The following ZNF431 variants were observed in gnomAD, a reference collection of about 807,000 sequenced individuals.
The protein encoded by ZNF431 is zinc finger protein 431.
A neutral mutation model predicts 57.0 loss-of-function variants in ZNF431; 34 were observed. The observed-to-expected ratio is 0.60, with a 90% CI of 0.45 to 0.79. ZNF431 has a LOEUF of 0.79. ZNF431 is among the 30% of genes least tolerant of loss of function. The pLI is 0.00. For synonymous variants in ZNF431, 207 were observed against 220.3 expected (o/e 0.94, Z 0.54); for missense variants, 607 against 667.1 (o/e 0.91, Z 0.99).
chr19:21,172,914 C>T (rs1429306211), intron 4 of ZNF431, among the ~76,000 whole-genome samples: 1 of 152,160 alleles, frequency 6.6e-6, no homozygotes, highest in African/African-American at 2.4e-5. Context: ...TGACAAGATG[C>T]CATTTTACCC....
At chr19:21,144,759 A>C (rs1277817626) in intron 2 of ZNF431, among the ~76,000 whole-genome samples, 3 of 152,194 alleles carry the variant, frequency 2.0e-5, no homozygotes. Flanking sequence ...TACAGAATGA[A>C]TACATTTCCA....
chr19:21,142,270 T>C, intron 1 of ZNF431, 84 bp downstream of exon 1: 1 of 1,580,392 alleles, frequency 6.3e-7, no homozygotes, highest in Non-Finnish European at 8.7e-7. Flanking sequence ...GACTCAGGCC[T>C]CCCCGCAGTC....
In ZNF431 at chr19:21,183,804, A is replaced by G. The variant is rs767151941; in HGVS notation, c.1501A>G (p.Lys501Glu). ...TTTTAACCGATCCTCAAATCTTACT[A>G]AACATAAGATAATTCATACAGGAGA... ...KAFNRSSNLT[K>E]HKIIHTGEKS... The change falls in exon 5 of 5, where the codon AAA becomes GAA. Residue 501 changes from lysine to glutamate, a missense_variant. Coordinates refer to ENST00000311048, the MANE Select transcript of ZNF431 (RefSeq NM_133473.4). The G allele has an allele frequency of 6.2e-7, 1 of 1,613,988 alleles. No individual in the cohort carries two copies. The highest frequency in any genetic ancestry group is 8.5e-7 in the Non-Finnish European group (1 of 1,179,922).
chr19:21,143,220 CAA>C (rs1969987670), intron 1 of ZNF431, among the ~76,000 whole-genome samples: 1 of 151,966 alleles, frequency 6.6e-6, no homozygotes, highest in Non-Finnish European at 1.5e-5. Context: ...TGACGCTTTT[CAA>C]AAAGTTTTTT....
At chr19:21,165,783 A>C (rs1448888308) in intron 2 of ZNF431, among the ~76,000 whole-genome samples, 2 of 152,118 alleles carry the variant, frequency 1.3e-5, no homozygotes, top group Non-Finnish European at 2.9e-5. Flanking sequence ...ACAAGCCAGA[A>C]ACATTGGGAA....
intron 4 of ZNF431, among the ~76,000 whole-genome samples, chr19:21,176,811 C>CTCA (rs1971066369): frequency 6.6e-6 from 1 of 152,106 alleles, no homozygotes; most frequent in African/African-American, 2.4e-5. Flanking sequence ...AATTCTCTGC[C>CTCA]TCAGCTTCCA....
rs981669826 is a variant in ZNF431 at position 21,195,072 on chromosome 19, G to A, written c.*11038G>A. On this transcript the variant is annotated 3_prime_UTR_variant, in exon 5 of 5. Coordinates refer to ENST00000311048, the MANE Select transcript of ZNF431 (RefSeq NM_133473.4). ...AATAACAACATTTGCAGGCTCATGA[G>A]AGCTGCCTGACAAAAAGCGTGTAAA... 1.3e-5 allele frequency: 2 copies of A among 152,204 alleles called. No homozygotes were observed. Among genetic ancestry groups the A allele is most frequent in the African/African-American group, 4.8e-5 (2 of 41,462 alleles). 9.4% of individuals were successfully genotyped at this position (152,204 alleles called of 1,614,324 possible). A position where few individuals can be genotyped will look rare whatever the true frequency, so the allele number is the denominator to read the frequency against.
chr19:21,189,877 G>T lies in ZNF431; in HGVS notation c.*5843G>T. The T allele has an allele frequency of 2.5e-6, 1 of 397,932 alleles. No homozygotes were observed. The highest frequency in any genetic ancestry group is 1.3e-4 in the South Asian group (1 of 7,458). 24.7% of individuals were successfully genotyped at this position (397,932 alleles called of 1,614,324 possible). A position where few individuals can be genotyped will look rare whatever the true frequency, so the allele number is the denominator to read the frequency against. ...TTTTTTTTTTAAGGCCAGGAGTGGT[G>T]GCTCACACCTGTAATCCCAGCTCTG... On this transcript the variant is annotated 3_prime_UTR_variant, in exon 5 of 5. Transcript: ENST00000311048.
At chr19:21,163,308 G>A (rs1568304128) in intron 2 of ZNF431, among the ~76,000 whole-genome samples, 1 of 152,156 alleles carries the variant, frequency 6.6e-6, no homozygotes, top group Admixed American at 6.5e-5. Context: ...GATGGAGATT[G>A]GTTGTCTCCA....
rs568148930 is a variant in ZNF431, at chr19:21,195,496, A to T, written c.*11462A>T. On this transcript the variant is annotated 3_prime_UTR_variant, in exon 5 of 5. Transcript: ENST00000311048. ...CGATTGAATAGTTGGGCTTTGGCTA[A>T]TTCCTCATTAGCAATAGAATTATGT... The T allele has an allele frequency of 6.6e-6, 1 of 152,224 alleles. No homozygotes were observed. The highest frequency in any genetic ancestry group is 2.4e-5 in the African/African-American group (1 of 41,458). 9.4% of individuals were successfully genotyped at this position (152,224 alleles called of 1,614,324 possible).
At chr19:21,156,998 G>C (rs901274910) in intron 2 of ZNF431, among the ~76,000 whole-genome samples, 3 of 152,120 alleles carry the variant, frequency 2.0e-5, no homozygotes, top group Non-Finnish European at 1.5e-5. Context: ...GGGTGGTCTT[G>C]AATGCTTGAG....
rs372542920 is a variant in ZNF431, at chr19:21,167,359, AT to A, written c.224-211del. ...TTTTTAGTAGAGATGGAGTTTCACC[AT>A]GTTGGACAGGTTGGTCTCAAACTCC... is the stretch of plus-strand genomic sequence containing the variant. On this transcript the variant is annotated intron_variant, in intron 3 of 4. Transcript: ENST00000311048. Among the ~76,000 whole-genome samples, 1,325 of 151,972 alleles carry A rather than the reference AT, an allele frequency of 8.7e-3. 14 individuals carry two copies. Among genetic ancestry groups the A allele is most frequent in the Middle Eastern group, 0.017 (5 of 294 alleles).
chr19:21,167,563 T>C lies in ZNF431; in HGVS notation c.224-8T>C, dbSNP rs758955541. On this transcript the variant is annotated splice_region_variant and splice_polypyrimidine_tract_variant and intron_variant, in intron 3 of 4. Transcript: ENST00000311048. ...CAAGATTCATGTTATTTATTTTTAA[T>C]AAAGCAGGTGTTGCTGTCTCTAAGC... is the stretch of plus-strand genomic sequence containing the variant. 6.5e-7 allele frequency: 1 copy of C among 1,541,688 alleles called. No homozygotes were observed. Among genetic ancestry groups the C allele is most frequent in the South Asian group, 1.2e-5 (1 of 82,424 alleles).
intron 4 of ZNF431, among the ~76,000 whole-genome samples, chr19:21,180,897 A>G (rs1971191241): frequency 6.6e-6 from 1 of 151,750 alleles, no homozygotes; most frequent in African/African-American, 2.4e-5. Flanking sequence ...CCGTGAGCTA[A>G]GATTGCACCA....
At position 21,151,048 on chromosome 19, in the gene ZNF431, CT is replaced by C. The variant is rs199758050; in HGVS notation, c.96+7414del. On this transcript the variant is annotated intron_variant, in intron 2 of 4. Transcript: ENST00000311048. Reference sequence around the variant, plus strand: ...CTTAAGCTGACTTTTAACCACAGTGCTTTTTTTTTCTTTTTTTTTTTGGAAT... The same window carrying C: ...CTTAAGCTGACTTTTAACCACAGTGCTTTTTTTTCTTTTTTTTTTTGGAAT... 624 of 151,120 alleles carry C rather than the reference CT, an allele frequency of 4.1e-3. 4 individuals carry two copies. The highest frequency in any genetic ancestry group is 0.014 in the African/African-American group (574 of 41,156). The allele number at this position is 151,120 out of a possible 1,614,324, so 9.4% of individuals were successfully genotyped here.
At chr19:21,171,595 ATTCT>A (rs1970891940) in intron 4 of ZNF431, among the ~76,000 whole-genome samples, 1 of 150,514 alleles carries the variant, frequency 6.6e-6, no homozygotes, top group South Asian at 2.1e-4. Context: ...TCTCATATAT[ATTCT>A]TTCTTAACTG....
intron 4 of ZNF431, among the ~76,000 whole-genome samples, chr19:21,171,494 T>C (rs1599605509): frequency 6.6e-6 from 1 of 152,006 alleles, no homozygotes; most frequent in African/African-American, 2.4e-5. Flanking sequence ...GAGGTGTAAT[T>C]AAGAGATAAG....
At chr19:21,156,512 T>C (rs931797350) in intron 2 of ZNF431, among the ~76,000 whole-genome samples, 1 of 152,178 alleles carries the variant, frequency 6.6e-6, no homozygotes, top group African/African-American at 2.4e-5. Context: ...TTTCTGATCC[T>C]TTTTGTCCTT....
intron 4 of ZNF431, among the ~76,000 whole-genome samples, chr19:21,177,265 G>A (rs920262792): frequency 2.0e-5 from 3 of 152,100 alleles, no homozygotes; most frequent in Non-Finnish European, 4.4e-5. Flanking sequence ...AGTTCTCCCA[G>A]CACCATTTAT....
Sources: gnomAD v4.1 joint callset for allele counts (sites outside exome capture counted in the v4.1 genomes callset) on GRCh38, gnomAD v4.1.1 for gene constraint, MANE v1.5 for transcripts, NCBI Gene and HGNC (gene_info 2026-07-23, HGNC 2026-07-21) for gene names.